TNFRSF21: variants seen among roughly 807,000 people sequenced by gnomAD.
TNFRSF21 encodes TNF receptor superfamily member 21, also known as tumor necrosis factor receptor superfamily member 21.
In TNFRSF21, 19 loss-of-function variants were observed where a neutral mutation model predicts 45.6. That is an observed-to-expected ratio of 0.42 (90% CI 0.29 to 0.61). The LOEUF is 0.61. Among genes scored for constraint, TNFRSF21 ranks in the 20% least tolerant of loss-of-function variants. TNFRSF21 has a pLI of 0.23. For missense variants in TNFRSF21, 737 were observed against 851.5 expected (o/e 0.87, Z 1.67); for synonymous variants, 314 against 335.5 (o/e 0.94, Z 0.70).
chr6:47,248,647 A>G (rs866307930), intron 4 of TNFRSF21, among the ~76,000 whole-genome samples: 3 of 152,222 alleles, frequency 2.0e-5, no homozygotes, highest in Admixed American at 6.5e-5. Context: ...AGTAAGCAAC[A>G]CATAGCTACA....
chr6:47,257,121 C>G (rs1377870231), intron 3 of TNFRSF21, among the ~76,000 whole-genome samples: 1 of 152,062 alleles, frequency 6.6e-6, no homozygotes, highest in Admixed American at 6.6e-5. Flanking sequence ...AATACACGGC[C>G]TTTACGAAGT....
Position 47,299,480 on chromosome 6 carries a change from G to A in TNFRSF21, c.96+9936C>T, listed in dbSNP as rs150434374. Among the ~76,000 whole-genome samples the A allele has an allele frequency of 8.8e-3, 1,332 of 152,188 alleles. 8 individuals carry two copies. The highest frequency in any genetic ancestry group is 0.014 in the Non-Finnish European group (947 of 68,010). ...CCTACACACCAGCCTGGGGGACAGA[G>A]CGAGACTCTGTCTCAAAAATAAAAA... On this transcript the variant is annotated intron_variant, in intron 1 of 5. Coordinates refer to ENST00000296861, the MANE Select transcript of TNFRSF21 (RefSeq NM_014452.5).
chr6:47,309,265 T>C, intron 1 of TNFRSF21, 151 bp downstream of exon 1: 1 of 1,124,880 alleles, frequency 8.9e-7, no homozygotes. Context: ...TCTGGTGTGT[T>C]GCCTTCCCTT....
At chr6:47,265,049 G>A (rs1762313028) in intron 3 of TNFRSF21, among the ~76,000 whole-genome samples, 1 of 152,198 alleles carries the variant, frequency 6.6e-6, no homozygotes, top group Admixed American at 6.5e-5. Context: ...TTTGGTTGCA[G>A]CAACTGCTGC....
chr6:47,273,351 T>A (rs1404371329), intron 3 of TNFRSF21, among the ~76,000 whole-genome samples: 1 of 152,238 alleles, frequency 6.6e-6, no homozygotes, highest in Non-Finnish European at 1.5e-5. Flanking sequence ...GATGCAAGGC[T>A]GGTTCAACAT....
chr6:47,267,767 A>G (rs1291113751), intron 3 of TNFRSF21, among the ~76,000 whole-genome samples: 3 of 152,166 alleles, frequency 2.0e-5, no homozygotes, highest in African/African-American at 7.2e-5. Flanking sequence ...GCACCATGGC[A>G]TAGACAGGAC....
intron 4 of TNFRSF21, among the ~76,000 whole-genome samples, chr6:47,251,887 TG>T (rs1429788064): frequency 1.3e-5 from 2 of 152,234 alleles, no homozygotes; most frequent in Non-Finnish European, 1.5e-5. Context: ...CATAAGACAC[TG>T]GTGTATGCCT....
chr6:47,259,453 C>A (rs1241470230), intron 3 of TNFRSF21, among the ~76,000 whole-genome samples: 1 of 152,014 alleles, frequency 6.6e-6, no homozygotes, highest in African/African-American at 2.4e-5. Context: ...TGGCTCACTG[C>A]AACCTCCACC....
intron 5 of TNFRSF21, 140 bp downstream of exon 5, chr6:47,234,530 T>G: frequency 1.4e-6 from 1 of 724,678 alleles, no homozygotes; most frequent in Non-Finnish European, 2.3e-6. Flanking sequence ...TATCTTGAAG[T>G]TTTGGACTGG....
intron 3 of TNFRSF21, among the ~76,000 whole-genome samples, chr6:47,259,003 C>A (rs566713018): frequency 3.3e-5 from 5 of 152,292 alleles, no homozygotes; most frequent in African/African-American, 9.6e-5. Flanking sequence ...CCAGCCCCTG[C>A]AATTACAGCA....
chr6:47,258,234 G>T (rs1167918540), intron 3 of TNFRSF21, among the ~76,000 whole-genome samples: 1 of 151,910 alleles, frequency 6.6e-6, no homozygotes, highest in Non-Finnish European at 1.5e-5. Flanking sequence ...GCGAGGCGTG[G>T]TGGTGCACAC....
intron 3 of TNFRSF21, among the ~76,000 whole-genome samples, chr6:47,263,762 C>T (rs1418815827): frequency 6.6e-6 from 1 of 152,190 alleles, no homozygotes; most frequent in Non-Finnish European, 1.5e-5. Flanking sequence ...AATTCTAAGA[C>T]ACCTGAATGT....
chr6:47,263,926 C>T (rs1023429058), intron 3 of TNFRSF21, among the ~76,000 whole-genome samples: 10 of 152,188 alleles, frequency 6.6e-5, no homozygotes, highest in African/African-American at 1.9e-4. Flanking sequence ...TTTGAATTTA[C>T]CTATTTGTTA....
chr6:47,233,899 C>T (rs558645531), intron 5 of TNFRSF21, among the ~76,000 whole-genome samples: 38 of 152,148 alleles, frequency 2.5e-4, no homozygotes, highest in Admixed American at 1.2e-3. Context: ...AAATTCTTTG[C>T]CAAAACTACC....
At chr6:47,263,567 G>A (rs1344557890) in intron 3 of TNFRSF21, among the ~76,000 whole-genome samples, 1 of 152,112 alleles carries the variant, frequency 6.6e-6, no homozygotes, top group Non-Finnish European at 1.5e-5. Flanking sequence ...AGGAAAACCA[G>A]GACAATGTGG....
At chr6:47,283,438 T>C (rs1762597173) in intron 3 of TNFRSF21, among the ~76,000 whole-genome samples, 1 of 152,196 alleles carries the variant, frequency 6.6e-6, no homozygotes, top group East Asian at 1.9e-4. Context: ...GACGAAATTG[T>C]TAGGAATCTA....
intron 4 of TNFRSF21, among the ~76,000 whole-genome samples, chr6:47,246,409 T>C (rs1205904524): frequency 6.6e-6 from 1 of 152,164 alleles, no homozygotes; most frequent in East Asian, 1.9e-4. Flanking sequence ...AGCAAGATCT[T>C]TACAAAGCAC....
At chr6:47,272,788 G>T (rs7748074) in intron 3 of TNFRSF21, among the ~76,000 whole-genome samples, 15,314 of 152,070 alleles carry the variant, frequency 0.1, 854 homozygotes, top group East Asian at 0.15. Context: ...TAAAGAAGAA[G>T]AGAGAAGAAT....
rs1764587318 is a variant in TNFRSF21, at chr6:47,231,859, C to T, written c.*906G>A. 1 of 152,638 alleles carries T rather than the reference C, an allele frequency of 6.6e-6. No individual in the cohort carries two copies. Among genetic ancestry groups the T allele is most frequent in the South Asian group, 2.1e-4 (1 of 4,828 alleles). 9.5% of individuals were successfully genotyped at this position (152,638 alleles called of 1,614,324 possible). A position where few individuals can be genotyped will look rare whatever the true frequency, so the allele number is the denominator to read the frequency against. On this transcript the variant is annotated 3_prime_UTR_variant, in exon 6 of 6. Transcript: ENST00000296861. ...AGACATCTTTTAAAGCAAAGCTGGG[C>T]AAATTCTCTATGGAAAGGGCGCCAC...
Sources: gnomAD v4.1 joint callset for allele counts (sites outside exome capture counted in the v4.1 genomes callset) on GRCh38, gnomAD v4.1.1 for gene constraint, MANE v1.5 for transcripts, NCBI Gene and HGNC (gene_info 2026-07-23, HGNC 2026-07-21) for gene names.